The following KAZN variants were observed in gnomAD, a reference collection of about 807,000 sequenced individuals.
The protein encoded by KAZN is kazrin.
Under a neutral mutation model 87.4 loss-of-function variants are expected in KAZN, and 40 were observed. The observed-to-expected ratio is 0.46, with a 90% CI of 0.36 to 0.60. The LOEUF (loss-of-function observed/expected upper bound fraction) is 0.60, where lower values mean the gene tolerates loss of function less well. Among genes scored for constraint, KAZN ranks in the 20% least tolerant of loss-of-function variants. The pLI, the probability that KAZN is intolerant of heterozygous loss-of-function variation, is 0.00. For synonymous variants in KAZN, 466 were observed against 458.3 expected (o/e 1.02, Z -0.22); for missense variants, 898 against 1,073.9 (o/e 0.84, Z 2.29).
At chr1:14,873,372 G>A (rs1364345638) in intron 1 of KAZN, among the ~76,000 whole-genome samples, 1 of 152,220 alleles carries the variant, frequency 6.6e-6, no homozygotes, top group Non-Finnish European at 1.5e-5. Context: ...GCACTATGAA[G>A]GAAAATAAAG....
chr1:14,089,854 A>G (rs1214221997), intron 1 of KAZN, among the ~76,000 whole-genome samples: 1 of 152,182 alleles, frequency 6.6e-6, no homozygotes, highest in Non-Finnish European at 1.5e-5. Context: ...GCTTGGCTGA[A>G]AAAGACCCTT....
At chr1:14,925,385 C>A (rs796249353) in intron 1 of KAZN, among the ~76,000 whole-genome samples, 1 of 152,074 alleles carries the variant, frequency 6.6e-6, no homozygotes, top group Admixed American at 6.5e-5. Flanking sequence ...ATACTTTTTC[C>A]GGGAAAAACG....
intron 1 of KAZN, among the ~76,000 whole-genome samples, chr1:14,659,545 T>C (rs905161799): frequency 5.9e-5 from 9 of 152,242 alleles, no homozygotes; most frequent in African/African-American, 1.9e-4. Context: ...GTTGTGTTTT[T>C]TATAATCAGA....
At chr1:14,772,753 G>A (rs890740591) in intron 1 of KAZN, among the ~76,000 whole-genome samples, 2 of 152,028 alleles carry the variant, frequency 1.3e-5, no homozygotes, top group South Asian at 2.1e-4. Flanking sequence ...CCCCTTCCCC[G>A]AGGGTCCGCT....
intron 1 of KAZN, among the ~76,000 whole-genome samples, chr1:14,842,693 T>TGTACA (rs202231524): frequency 0.012 from 1,852 of 152,364 alleles, 65 homozygotes; most frequent in Admixed American, 0.079. Context: ...AAGGAAGGAT[T>TGTACA]AGAGGAGCAG....
At chr1:14,762,699 TG>T (rs1644774486) in intron 1 of KAZN, among the ~76,000 whole-genome samples, 1 of 150,290 alleles carries the variant, frequency 6.7e-6, no homozygotes, top group Non-Finnish European at 1.5e-5. Context: ...CACTCTAGCC[TG>T]GGTGACAGAG....
At chr1:14,450,125 C>G (rs995011395) in intron 2 of KAZN, among the ~76,000 whole-genome samples, 1 of 151,958 alleles carries the variant, frequency 6.6e-6, no homozygotes, top group Non-Finnish European at 1.5e-5. Context: ...GTGCTGCCCC[C>G]CCGCCTGCAG....
intron 2 of KAZN, among the ~76,000 whole-genome samples, chr1:15,027,773 A>C (rs1016109638): frequency 6.6e-6 from 1 of 152,132 alleles, no homozygotes; most frequent in Non-Finnish European, 1.5e-5. Context: ...CCAGGCTGGA[A>C]ATTTTTACAA....
intron 12 of KAZN, 109 bp downstream of exon 12, chr1:15,103,569 A>C: frequency 3.2e-5 from 24 of 747,162 alleles, no homozygotes; most frequent in African/African-American, 6.9e-5. Flanking sequence ...TGCAGATCTC[A>C]TGCAAATCAA....
chr1:14,204,116 G>C (rs1646693284), intron 2 of KAZN, among the ~76,000 whole-genome samples: 1 of 152,246 alleles, frequency 6.6e-6, no homozygotes. Context: ...AAGTAGGATA[G>C]TGCAGTTAAG....
intron 1 of KAZN, among the ~76,000 whole-genome samples, chr1:14,957,076 T>C (rs887013835): frequency 6.6e-6 from 1 of 152,148 alleles, no homozygotes; most frequent in African/African-American, 2.4e-5. Context: ...TCTTCGTGTG[T>C]GCGTCTATTT....
intron 1 of KAZN, among the ~76,000 whole-genome samples, chr1:14,698,627 T>C (rs560218419): frequency 7.9e-5 from 12 of 152,360 alleles, no homozygotes; most frequent in African/African-American, 2.4e-4. Context: ...GAGACCCTCA[T>C]TGGTGAAAGC....
chr1:14,405,605 A>AGTGTGTGTGTGTGTGTGTGTGT (rs1553167624), intron 2 of KAZN, among the ~76,000 whole-genome samples: 3 of 86,178 alleles, frequency 3.5e-5, no homozygotes. Context: ...GACCCAATAA[A>AGTGTGTGTGTGTGTGTGTGTGT]ATGTGTGTGT....
intron 1 of KAZN, among the ~76,000 whole-genome samples, chr1:13,908,598 G>T (rs1317071756): frequency 6.6e-6 from 1 of 152,228 alleles, no homozygotes; most frequent in African/African-American, 2.4e-5. Context: ...GAAGCCAGAT[G>T]GCAGCCAGCA....
rs368560158 is a variant in KAZN, at chr1:14,047,423, C to G, written c.92-133012C>G. ...CCAGGAGCCCATGGAACAGCACCCCCTGGAAGTTTCCACAGGCTGCTCGAA... is the reference window on the plus strand; with the variant it reads ...CCAGGAGCCCATGGAACAGCACCCCGTGGAAGTTTCCACAGGCTGCTCGAA... On this transcript the variant is annotated intron_variant, in intron 1 of 16. Transcript: ENST00000636203. Among the ~76,000 whole-genome samples the G allele has an allele frequency of 2.6e-5, 4 of 152,340 alleles. No individual in the cohort carries two copies. The East Asian group carries it at 5.8e-4, about 22-fold the overall frequency.
At chr1:14,306,068 G>A (rs1654903254) in intron 2 of KAZN, among the ~76,000 whole-genome samples, 1 of 152,178 alleles carries the variant, frequency 6.6e-6, no homozygotes, top group African/African-American at 2.4e-5. Context: ...TTTGTTGGAA[G>A]ACATTAAATT....
rs370975337 is a variant in KAZN, at chr1:14,356,312, AT to A, written c.249+175722del. Among the ~76,000 whole-genome samples the A allele has an allele frequency of 4.0e-3, 614 of 152,174 alleles. 4 individuals are homozygous for A. Among genetic ancestry groups the A allele is most frequent in the African/African-American group, 0.014 (577 of 41,510 alleles). On this transcript the variant is annotated intron_variant, in intron 2 of 16. Transcript: ENST00000636203. ...GTAAATTTGTTTGAGTTCCTTGTAG[AT>A]TCTGGATATTAGCCCTTTGTCAGAT...
At chr1:15,032,172 G>T (rs1671781750) in intron 2 of KAZN, among the ~76,000 whole-genome samples, 1 of 146,580 alleles carries the variant, frequency 6.8e-6, no homozygotes, top group African/African-American at 2.5e-5. Flanking sequence ...TTCCCATTGT[G>T]GACATTTCTT....
At chr1:14,514,948 C>G (rs868183939) in intron 2 of KAZN, among the ~76,000 whole-genome samples, 1 of 152,102 alleles carries the variant, frequency 6.6e-6, no homozygotes, top group Admixed American at 6.5e-5. Flanking sequence ...GAAACAGTGG[C>G]TGGGACTTTT....
Sources: allele counts gnomAD v4.1 joint callset (sites outside exome capture counted in the v4.1 genomes callset), GRCh38; gene constraint gnomAD v4.1.1; transcripts MANE v1.5; gene names NCBI Gene and HGNC (gene_info 2026-07-23, HGNC 2026-07-21).